RNF150: variants seen among roughly 807,000 people sequenced by gnomAD.
RNF150 encodes ring finger protein 150.
A neutral mutation model predicts 39.3 loss-of-function variants in RNF150; 24 were observed. The observed-to-expected ratio is 0.61, with a 90% CI of 0.44 to 0.86. The LOEUF (loss-of-function observed/expected upper bound fraction) is 0.86. RNF150 is among the 40% of genes least tolerant of loss of function. RNF150 has a pLI of 0.00. For synonymous variants in RNF150, 255 were observed against 227.3 expected, an observed-to-expected ratio of 1.12 and a Z score of -1.10; for missense variants, 502 against 587.8, an observed-to-expected ratio of 0.85 and a Z score of 1.51.
In RNF150 at chr4:141,132,963, G is replaced by A; in HGVS notation, c.-155C>T. On this transcript the variant is annotated 5_prime_UTR_variant, in exon 1 of 7. Transcript: ENST00000515673. This position sits in a 1 kb window ranked among gnomAD's most constrained non-coding sequence, Gnocchi z 4.9. The stretch of plus-strand genomic sequence containing the variant: ...CGGCCGGGACGCGCAGCCGCCGCGG[G>A]GACCGGATTCCGGGCGAGCGGATGG... The A allele has an allele frequency of 1.7e-6, 1 of 593,488 alleles. No homozygotes were observed. The highest frequency in any genetic ancestry group is 2.8e-6 in the Non-Finnish European group (1 of 352,456). The allele number at this position is 593,488 out of a possible 1,614,324, so 36.8% of individuals were successfully genotyped here.
chr4:140,863,985 T>C lies in RNF150; in HGVS notation c.*4276A>G, dbSNP rs1728599803. The stretch of plus-strand genomic sequence containing the variant: ...TGGCATTGATTTGGTTTTGAGAGTA[T>C]GGTAGCCTCAGGGATGTCAGGGCAG... On this transcript the variant is annotated 3_prime_UTR_variant, in exon 7 of 7. Coordinates refer to ENST00000515673, the MANE Select transcript of RNF150 (RefSeq NM_020724.2). 6.6e-6 allele frequency: 1 copy of C among 152,204 alleles called. No individual in the cohort carries two copies. The highest frequency in any genetic ancestry group is 1.5e-5 in the Non-Finnish European group (1 of 68,032). The allele number at this position is 152,204 out of a possible 1,614,324, so 9.4% of individuals were successfully genotyped here.
intron 2 of RNF150, among the ~76,000 whole-genome samples, chr4:140,959,038 C>A (rs1013035097): frequency 2.6e-5 from 4 of 152,144 alleles, no homozygotes; most frequent in Admixed American, 6.6e-5. Context: ...ACCATTCCCT[C>A]AGCTTCCTCT....
At chr4:140,917,268 C>T (rs1448927848) in intron 5 of RNF150, among the ~76,000 whole-genome samples, 3 of 152,106 alleles carry the variant, frequency 2.0e-5, no homozygotes, top group African/African-American at 7.2e-5. Context: ...AGTCAAGACC[C>T]ATCAGCGTGC....
intron 1 of RNF150, among the ~76,000 whole-genome samples, chr4:141,152,988 G>T (rs1204176436): frequency 6.6e-6 from 1 of 152,104 alleles, no homozygotes; most frequent in Non-Finnish European, 1.5e-5. Context: ...TCCTGATGCT[G>T]GCAGTGTTTT....
intron 2 of RNF150, among the ~76,000 whole-genome samples, chr4:140,960,966 T>C (rs1327146037): frequency 6.6e-6 from 1 of 152,078 alleles, no homozygotes; most frequent in African/African-American, 2.4e-5. Context: ...GCTTTACATG[T>C]GGGGAAGCCT....
At chr4:141,194,274 C>T (rs995030988) in intron 1 of RNF150, among the ~76,000 whole-genome samples, 20 of 152,250 alleles carry the variant, frequency 1.3e-4, no homozygotes, top group African/African-American at 4.8e-4. Context: ...TGAAAGATAG[C>T]TAAAGTATTC....
chr4:141,045,034 A>G (rs956531864), intron 1 of RNF150, among the ~76,000 whole-genome samples: 1 of 152,220 alleles, frequency 6.6e-6, no homozygotes, highest in Admixed American at 6.5e-5. Flanking sequence ...TATGAGGTAC[A>G]TCCCAATGGT....
chr4:141,136,220 A>G (rs2111119183), upstream of RNF150, among the ~76,000 whole-genome samples: 1 of 152,304 alleles, frequency 6.6e-6, no homozygotes, highest in South Asian at 2.1e-4. Context: ...GGTATATTTT[A>G]TCAATGGTGA....
chr4:141,179,418 C>G (rs1297673835), intron 1 of RNF150, among the ~76,000 whole-genome samples: 1 of 152,148 alleles, frequency 6.6e-6, no homozygotes, highest in Non-Finnish European at 1.5e-5. Context: ...AAGAAAAGTT[C>G]ATTTGATTGT....
intron 1 of RNF150, among the ~76,000 whole-genome samples, chr4:141,173,030 A>T (rs1476937601): frequency 6.6e-6 from 1 of 152,136 alleles, no homozygotes; most frequent in Non-Finnish European, 1.5e-5. Context: ...CCGTCTTAAA[A>T]AAAGAAAAAA....
At chr4:141,129,482 G>A (rs952307931) in intron 1 of RNF150, among the ~76,000 whole-genome samples, 2 of 152,204 alleles carry the variant, frequency 1.3e-5, no homozygotes, top group Non-Finnish European at 2.9e-5. Flanking sequence ...GGAGTGACTA[G>A]GAGTTGGGGA....
chr4:141,054,582 C>T (rs1311440064), intron 1 of RNF150, among the ~76,000 whole-genome samples: 2 of 152,108 alleles, frequency 1.3e-5, no homozygotes, highest in African/African-American at 4.8e-5. Context: ...CACAAGGGTG[C>T]TATGAATTGG....
intron 6 of RNF150, among the ~76,000 whole-genome samples, chr4:140,891,587 C>T (rs1026574865): frequency 6.6e-6 from 1 of 152,180 alleles, no homozygotes; most frequent in African/African-American, 2.4e-5. Flanking sequence ...GTTGTCCTTC[C>T]GTATCCAGTA....
intron 1 of RNF150, among the ~76,000 whole-genome samples, chr4:141,128,186 G>A (rs1289863353): frequency 6.6e-6 from 1 of 152,170 alleles, no homozygotes; most frequent in Non-Finnish European, 1.5e-5. Flanking sequence ...GTCGTTGTGT[G>A]TCACTGGGTC....
At chr4:140,881,004 A>G (rs1428737959) in intron 6 of RNF150, among the ~76,000 whole-genome samples, 1 of 151,794 alleles carries the variant, frequency 6.6e-6, no homozygotes. Context: ...TCTATTCTCT[A>G]TTTCATTTAT....
chr4:140,866,510 A>G lies in RNF150; in HGVS notation c.*1751T>C, dbSNP rs1728714749. 1 of 152,208 alleles carries G rather than the reference A, an allele frequency of 6.6e-6. No homozygotes were observed. Among genetic ancestry groups the G allele is most frequent in the Non-Finnish European group, 1.5e-5 (1 of 68,030 alleles). 9.4% of individuals were successfully genotyped at this position (152,208 alleles called of 1,614,324 possible). ...GGGAGATGCAACCTTTCTGAGGGTA[A>G]TAATCATCTGCCTTGCCTTACTGTC... On this transcript the variant is annotated 3_prime_UTR_variant, in exon 7 of 7. Coordinates refer to ENST00000515673, the MANE Select transcript of RNF150 (RefSeq NM_020724.2).
intron 1 of RNF150, among the ~76,000 whole-genome samples, chr4:141,189,015 A>G (rs1350282561): frequency 6.6e-6 from 1 of 152,118 alleles, no homozygotes; most frequent in Non-Finnish European, 1.5e-5. Context: ...ATCTTCGTGG[A>G]TTTATCTACC....
rs141218496 is a variant in RNF150, at chr4:140,997,947, T to C, written c.485-30074A>G. On this transcript the variant is annotated intron_variant, in intron 1 of 6. Transcript: ENST00000515673. ...ACATACCTTTCACTGTATATACTTT[T>C]GAATTCCATATCATACTCATGTATG... 1.7e-3 allele frequency among the ~76,000 whole-genome samples: 259 copies of C among 152,314 alleles called. 1 individual carries two copies. Among genetic ancestry groups the C allele is most frequent in the African/African-American group, 6.1e-3 (255 of 41,582 alleles).
chr4:141,082,810 G>C (rs1033113986), intron 1 of RNF150, among the ~76,000 whole-genome samples: 2 of 151,924 alleles, frequency 1.3e-5, no homozygotes, highest in Non-Finnish European at 2.9e-5. Flanking sequence ...GGATGGTCTC[G>C]ATCTCCTGAC....
Sources: gnomAD v4.1 joint callset for allele counts (sites outside exome capture counted in the v4.1 genomes callset) on GRCh38, gnomAD v4.1.1 for gene constraint, Gnocchi (gnomAD v3.1) non-coding constraint, MANE v1.5 for transcripts, NCBI Gene and HGNC (gene_info 2026-07-23, HGNC 2026-07-21) for gene names.